Variants in SF1 observed in about 807,000 individuals in gnomAD.
SF1 encodes splicing factor 1, also known as branch point-binding protein.
Under a neutral mutation model 62.5 loss-of-function variants are expected in SF1, and 7 were observed. The ratio of observed to expected loss-of-function variants is 0.11; its 90% CI spans 0.06 to 0.21. The LOEUF is 0.21. SF1 is among the 10% of genes least tolerant of loss of function. The pLI is 1.00. For synonymous variants in SF1, 394 were observed against 323.6 expected (o/e 1.22, Z -2.33); for missense variants, 578 against 884.0 (o/e 0.65, Z 4.39).
At chr11:64,777,209 GA>G (rs1379324887) in intron 1 of SF1, among the ~76,000 whole-genome samples, 1 of 152,170 alleles carries the variant, frequency 6.6e-6, no homozygotes, top group Non-Finnish European at 1.5e-5. Context: ...CTGAGGGTCT[GA>G]ACTCTTAAAA....
chr11:64,769,628 C>CT lies in SF1; in HGVS notation c.480-20dup, dbSNP rs750353703. On this transcript the variant is annotated intron_variant, in intron 5 of 12. Transcript: ENST00000377390. ...GTTCCCTCTAGAGAGGCAGAAATGA[C>CT]TAAGTTTATACCTGACAAATTCACA... 1.2e-6 allele frequency: 2 copies of CT among 1,606,166 alleles called. No individual in the cohort carries two copies. Among genetic ancestry groups the CT allele is most frequent in the Admixed American group, 3.3e-5 (2 of 59,778 alleles).
At chr11:64,766,478 A>C in intron 12 of SF1, 1 of 461,282 alleles carries the variant, frequency 2.2e-6, no homozygotes. Flanking sequence ...GGCACATTCA[A>C]CCTCAAGGCC....
At position 64,776,758 on chromosome 11, in the gene SF1, TAA is replaced by T. The variant is rs1283224965; in HGVS notation, c.32-134_32-133del. On this transcript the variant is annotated intron_variant, in intron 1 of 12. Transcript: ENST00000377390. ...AGAGCTTAACCTAAAACTTAAACAT[TAA>T]AAAAACAGAAAACAAACCTCAGAGA... The T allele has an allele frequency of 2.1e-5, 18 of 839,630 alleles. No homozygotes were observed. In the African/African-American group the frequency reaches 2.9e-4, roughly 13 times the overall value. 52.0% of individuals were successfully genotyped at this position (839,630 alleles called of 1,614,324 possible).
intron 2 of SF1, among the ~76,000 whole-genome samples, chr11:64,774,700 C>T (rs1938873128): frequency 6.6e-6 from 1 of 152,186 alleles, no homozygotes; most frequent in South Asian, 2.1e-4. Context: ...TGGCTCACAC[C>T]TGTAATCCCA....
rs1353103582 is a variant in SF1 at position 64,769,010 on chromosome 11, C to G, written c.887+12G>C. On this transcript the variant is annotated intron_variant, in intron 8 of 12. Coordinates refer to ENST00000377390, the MANE Select transcript of SF1 (RefSeq NM_004630.4). ...GCAGGCTACCAGGAAACCGCAAGAG[C>G]CAGCCCCTCACCTTTGGAATTTACA... is the stretch of plus-strand genomic sequence containing the variant. The G allele has an allele frequency of 1.9e-6, 3 of 1,591,412 alleles. No individual in the cohort carries two copies. The highest frequency in any genetic ancestry group is 3.3e-5 in the Admixed American group (2 of 59,992).
chr11:64,773,222 A>T, intron 3 of SF1: 1 of 1,371,990 alleles, frequency 7.3e-7, no homozygotes, highest in Admixed American at 3.8e-5. Flanking sequence ...GTAACTTTTT[A>T]TTCTCCCAAC....
intron 12 of SF1, 109 bp from the exon 13 acceptor site, chr11:64,766,264 C>G: frequency 6.3e-4 from 9 of 14,264 alleles, no homozygotes; most frequent in South Asian, 2.6e-3. Context: ...GCTTGGCATG[C>G]GGTACGGTGG....
chr11:64,769,670 G>A, intron 5 of SF1, 61 bp from the exon 6 acceptor site: 4 of 1,481,562 alleles, frequency 2.7e-6, no homozygotes, highest in Middle Eastern at 1.8e-4. Context: ...AGGGAAGAGA[G>A]GCTGGACCAA....
In SF1 at chr11:64,765,244, TGCA is replaced by T. The variant is rs1565547327; in HGVS notation, c.*571_*573del. On this transcript the variant is annotated 3_prime_UTR_variant, in exon 13 of 13. Coordinates refer to ENST00000377390, the MANE Select transcript of SF1 (RefSeq NM_004630.4). ...GGAGAGAAGGGAAAGGAATCTAAAT[TGCA>T]GCAGAAGACCGGGGAGAGCATCTCC... 1 of 479,842 alleles carries T rather than the reference TGCA, an allele frequency of 2.1e-6. No homozygotes were observed. The highest frequency in any genetic ancestry group is 3.7e-6 in the Non-Finnish European group (1 of 267,334). 29.7% of individuals were successfully genotyped at this position (479,842 alleles called of 1,614,324 possible). A position where few individuals can be genotyped will look rare whatever the true frequency, so the allele number is the denominator to read the frequency against.
At chr11:64,766,455 G>A (rs994701691) in intron 12 of SF1, 3 of 487,118 alleles carry the variant, frequency 6.2e-6, no homozygotes, top group African/African-American at 2.0e-5. Flanking sequence ...CCCAGCCGCC[G>A]CCACCACCGA....
In SF1 at chr11:64,765,403, C is replaced by T. The variant is rs1311879738; in HGVS notation, c.*415G>A. The T allele has an allele frequency of 1.5e-6, 2 of 1,374,988 alleles. No homozygotes were observed. Among genetic ancestry groups the T allele is most frequent in the Non-Finnish European group, 1.0e-6 (1 of 966,862 alleles). 85.2% of individuals were successfully genotyped at this position (1,374,988 alleles called of 1,614,324 possible). A position where few individuals can be genotyped will look rare whatever the true frequency, so the allele number is the denominator to read the frequency against. On this transcript the variant is annotated 3_prime_UTR_variant, in exon 13 of 13. Coordinates refer to ENST00000377390, the MANE Select transcript of SF1 (RefSeq NM_004630.4). ...ACAAAAATAACTCAGGCTGCTTTGC[C>T]GAACCATCCTGTCCACCAGGGGCGT...
intron 3 of SF1, chr11:64,771,786 T>C (rs1592492696): frequency 1.0e-6 from 1 of 985,090 alleles, no homozygotes. Flanking sequence ...AAAATAACAA[T>C]AAAGTGGCTT....
rs1169430365 is a variant in SF1 at position 64,778,482 on chromosome 11, G to A, written c.-90C>T. 1.4e-5 allele frequency: 17 copies of A among 1,204,364 alleles called. No homozygotes were observed. Among genetic ancestry groups the A allele is most frequent in the Admixed American group, 4.4e-5 (1 of 22,690 alleles). The allele number at this position is 1,204,364 out of a possible 1,614,324, so 74.6% of individuals were successfully genotyped here. ...TCCCGGGGGGAGGGGACCCGAATGC[G>A]CTGCCGGAGCGCGCGGAGCCCGTCC... On this transcript the variant is annotated 5_prime_UTR_variant, in exon 1 of 13. Coordinates refer to ENST00000377390, the MANE Select transcript of SF1 (RefSeq NM_004630.4).
At chr11:64,775,136 G>A (rs898461570) in intron 2 of SF1, among the ~76,000 whole-genome samples, 5 of 152,060 alleles carry the variant, frequency 3.3e-5, no homozygotes, top group African/African-American at 9.7e-5. Context: ...TTCACTGAGG[G>A]GAGAAGGTGA....
chr11:64,777,744 G>A (rs1281440457), intron 1 of SF1: 2 of 985,444 alleles, frequency 2.0e-6, no homozygotes, highest in East Asian at 1.1e-4. Context: ...CGCACAGCCC[G>A]GCCACCTCAC....
chr11:64,766,854 C>CCCCCCCCCA, intron 12 of SF1, 46 bp downstream of exon 12: 1 of 659,982 alleles, frequency 1.5e-6, no homozygotes. Context: ...CTGTCAGCCC[C>CCCCCCCCCA]ACCCCCATCC....
rs1164607796 is a variant in SF1, at chr11:64,765,167, G to A, written c.*651C>T. Reference sequence around the variant, plus strand: ...AACCAGCTTGACATGAATGGCCAAAGCCCTTGCCCAAAACCATTTGCTCCC... The same window carrying A: ...AACCAGCTTGACATGAATGGCCAAAACCCTTGCCCAAAACCATTTGCTCCC... On this transcript the variant is annotated 3_prime_UTR_variant, in exon 13 of 13. Transcript: ENST00000377390. 3.0e-6 allele frequency: 1 copy of A among 338,010 alleles called. No individual in the cohort carries two copies. Among genetic ancestry groups the A allele is most frequent in the African/African-American group, 2.1e-5 (1 of 46,808 alleles). 20.9% of individuals were successfully genotyped at this position (338,010 alleles called of 1,614,324 possible). A position where few individuals can be genotyped will look rare whatever the true frequency, so the allele number is the denominator to read the frequency against.
At chr11:64,773,550 G>A (rs761897434) in intron 2 of SF1, 45 bp from the exon 3 acceptor site, 4 of 1,584,140 alleles carry the variant, frequency 2.5e-6, no homozygotes, top group East Asian at 2.2e-5. Flanking sequence ...ATGGAAAAAA[G>A]ACAATGTTAC....
In SF1 at chr11:64,767,742, C is replaced by T. The variant is rs749883220; in HGVS notation, c.1171G>A (p.Gly391Arg). Residue 391 changes from glycine (G) to arginine (R), a missense_variant, in exon 10 of 13, where the codon GGA (glycine) becomes AGA (arginine). Coordinates refer to ENST00000377390, the MANE Select transcript of SF1 (RefSeq NM_004630.4). ...GMHGGGPGGP[G>R]GGPHSFPHPL... The stretch of plus-strand genomic sequence containing the variant: ...TGTGGGAAGCTGTGGGGGCCACCTC[C>T]GGGCCCACCAGGACCACCTCCATGC... 3.1e-6 allele frequency: 5 copies of T among 1,613,066 alleles called. No individual in the cohort carries two copies. Among genetic ancestry groups the T allele is most frequent in the Admixed American group, 1.7e-5 (1 of 59,756 alleles).
Sources: gnomAD v4.1 joint callset for allele counts (sites outside exome capture counted in the v4.1 genomes callset) on GRCh38, gnomAD v4.1.1 for gene constraint, MANE v1.5 for transcripts, NCBI Gene and HGNC (gene_info 2026-07-23, HGNC 2026-07-21) for gene names.